The following RARB variants were observed in gnomAD, a reference collection of about 807,000 sequenced individuals.
RARB encodes the protein HBV-activated protein.
RARB carries 17 observed loss-of-function variants against 51.9 expected under a neutral mutation model. The ratio of observed to expected loss-of-function variants is 0.33; its 90% CI spans 0.22 to 0.49. The LOEUF (loss-of-function observed/expected upper bound fraction) is 0.49, where lower values mean the gene tolerates loss of function less well. Ranked by LOEUF, RARB falls within the 20% of genes least tolerant of loss-of-function variation. RARB has a pLI of 0.99. For missense variants in RARB, 369 were observed against 550.8 expected (o/e 0.67, Z 3.30); for synonymous variants, 215 against 195.4 (o/e 1.10, Z -0.84).
chr3:25,444,871 G>T (rs1335018381), intron 1 of RARB, among the ~76,000 whole-genome samples: 1 of 152,196 alleles, frequency 6.6e-6, no homozygotes, highest in Non-Finnish European at 1.5e-5. Context: ...TACAGGAGGT[G>T]AGGTGTATTG....
intron 5 of RARB, among the ~76,000 whole-genome samples, chr3:25,284,022 CTT>C (rs368924064): frequency 6.6e-6 from 1 of 152,174 alleles, no homozygotes; most frequent in Non-Finnish European, 1.5e-5. Flanking sequence ...AAGACTATGA[CTT>C]TTCTCCTGCT....
intron 1 of RARB, among the ~76,000 whole-genome samples, chr3:25,454,603 T>C (rs954093859): frequency 9.2e-5 from 14 of 152,192 alleles, no homozygotes; most frequent in African/African-American, 2.9e-4. Flanking sequence ...GCATGATGCC[T>C]GCCTGCCTGT....
intron 3 of RARB, among the ~76,000 whole-genome samples, chr3:25,093,909 A>G (rs1160893066): frequency 6.6e-6 from 1 of 152,070 alleles, no homozygotes; most frequent in Non-Finnish European, 1.5e-5. Flanking sequence ...CTAGCCTCCA[A>G]ATTTTCAGGG....
chr3:25,254,905 C>G (rs1405220366), intron 5 of RARB, among the ~76,000 whole-genome samples: 2 of 152,166 alleles, frequency 1.3e-5, no homozygotes, highest in Non-Finnish European at 2.9e-5. Flanking sequence ...TATTGAGGCA[C>G]TACCTTAGCA....
chr3:25,504,770 CT>C (rs61498243), intron 3 of RARB, among the ~76,000 whole-genome samples: 5,800 of 125,832 alleles, frequency 0.046, 265 homozygotes, highest in African/African-American at 0.16. Context: ...ACATTAACCA[CT>C]TTTTTTTTTT....
At chr3:24,867,667 G>A (rs1702876664) in intron 2 of RARB, among the ~76,000 whole-genome samples, 1 of 152,172 alleles carries the variant, frequency 6.6e-6, no homozygotes, top group Non-Finnish European at 1.5e-5. Context: ...CAGAAGTGGG[G>A]AGTGTGCTCA....
intron 5 of RARB, among the ~76,000 whole-genome samples, chr3:25,316,506 A>G (rs371672357): frequency 6.4e-4 from 97 of 152,344 alleles, no homozygotes; most frequent in Middle Eastern, 3.4e-3. Flanking sequence ...CCTGGGGGAA[A>G]TAATGTATAA....
At chr3:25,231,458 AC>A (rs1329039772) in intron 5 of RARB, among the ~76,000 whole-genome samples, 1 of 152,156 alleles carries the variant, frequency 6.6e-6, no homozygotes, top group African/African-American at 2.4e-5. Context: ...TTATGTTCTC[AC>A]AGCCAAGCAA....
intron 5 of RARB, among the ~76,000 whole-genome samples, chr3:25,222,615 C>T (rs1465437492): frequency 6.6e-6 from 1 of 152,080 alleles, no homozygotes; most frequent in Non-Finnish European, 1.5e-5. Flanking sequence ...TTATATTCAT[C>T]TCTGAGAAAG....
chr3:25,143,961 A>G (rs1700149093), intron 4 of RARB, among the ~76,000 whole-genome samples: 1 of 152,206 alleles, frequency 6.6e-6, no homozygotes, highest in Admixed American at 6.6e-5. Flanking sequence ...TCTAAGTGGG[A>G]GAAATCAACC....
At chr3:24,843,227 G>A (rs980872033) in intron 1 of RARB, among the ~76,000 whole-genome samples, 1 of 152,128 alleles carries the variant, frequency 6.6e-6, no homozygotes, top group South Asian at 2.1e-4. Context: ...GCTATGTGAC[G>A]GCAGCTCCCA....
intron 2 of RARB, among the ~76,000 whole-genome samples, chr3:24,960,982 A>G (rs1315130538): frequency 1.3e-5 from 2 of 152,154 alleles, no homozygotes; most frequent in African/African-American, 4.8e-5. Context: ...GGGGCCTGTG[A>G]CAGGGGCCAG....
intron 2 of RARB, among the ~76,000 whole-genome samples, chr3:25,482,242 G>T (rs543762336): frequency 3.3e-5 from 5 of 152,082 alleles, no homozygotes; most frequent in African/African-American, 1.2e-4. Flanking sequence ...AACATTTGTC[G>T]CAATAAAAAT....
At position 24,874,223 on chromosome 3, in the gene RARB, C is replaced by G. The variant is rs931889572; in HGVS notation, c.-380+15471C>G. 3.3e-5 allele frequency among the ~76,000 whole-genome samples: 5 copies of G among 152,032 alleles called. No homozygotes were observed. The South Asian group carries it at 8.3e-4, about 25-fold the overall frequency. On this transcript the variant is annotated intron_variant, in intron 2 of 11. Transcript: ENST00000383772. ...ATAGAACAATATGGTACTACTGATT[C>G]TTTGAAATTGGTTGAGACTTGCTTT...
rs1372767537 is a variant in RARB at position 25,264,482 on chromosome 3, C to T, written c.178+89907C>T. Among the ~76,000 whole-genome samples the T allele has an allele frequency of 2.0e-5, 3 of 152,000 alleles. No homozygotes were observed. In the South Asian group the frequency reaches 6.2e-4, roughly 32 times the overall value. ...TTTCTGTTGTTGGATCTTCAAGTAG[C>T]CTGAGAAAGGTAAATTGAATAGCTT... On this transcript the variant is annotated intron_variant, in intron 5 of 11. Transcript: ENST00000383772.
chr3:24,997,303 CA>C (rs1003839737), intron 2 of RARB, among the ~76,000 whole-genome samples: 4 of 151,966 alleles, frequency 2.6e-5, no homozygotes, highest in Admixed American at 2.6e-4. Context: ...TTTCTGTTTG[CA>C]TGGAATATTT....
At chr3:24,922,213 A>C (rs547058991) in intron 2 of RARB, among the ~76,000 whole-genome samples, 1 of 152,322 alleles carries the variant, frequency 6.6e-6, no homozygotes, top group Admixed American at 6.5e-5. Context: ...TATCTGTATA[A>C]ACCTGTAAAA....
intron 1 of RARB, among the ~76,000 whole-genome samples, chr3:25,444,810 G>A (rs887536100): frequency 7.2e-4 from 110 of 152,206 alleles, no homozygotes; most frequent in African/African-American, 2.4e-3. Context: ...GGCTCCGGTA[G>A]ATGTGTGAGT....
At chr3:25,108,130 C>T (rs981522095) in intron 3 of RARB, among the ~76,000 whole-genome samples, 1 of 152,098 alleles carries the variant, frequency 6.6e-6, no homozygotes, top group African/African-American at 2.4e-5. Flanking sequence ...ATTCATGTCT[C>T]GGGCAAGATG....
Sources: gnomAD v4.1 joint callset for allele counts (sites outside exome capture counted in the v4.1 genomes callset) on GRCh38, gnomAD v4.1.1 for gene constraint, MANE v1.5 for transcripts, NCBI Gene and HGNC (gene_info 2026-07-23, HGNC 2026-07-21) for gene names.